The following PDE8A variants were observed in gnomAD, a reference collection of about 807,000 sequenced individuals.
The protein encoded by PDE8A is high affinity cAMP-specific and IBMX-insensitive 3',5'-cyclic phosphodiesterase 8A.
In PDE8A, 59 loss-of-function variants were observed where a neutral mutation model predicts 105.0. That is an observed-to-expected ratio of 0.56 (90% CI 0.46 to 0.70). The LOEUF is 0.70. Among genes scored for constraint, PDE8A ranks in the 30% least tolerant of loss-of-function variants. The pLI is 0.00. For missense variants in PDE8A, 1,014 were observed against 1,045.9 expected (o/e 0.97, Z 0.42); for synonymous variants, 355 against 371.9 (o/e 0.95, Z 0.52).
intron 1 of PDE8A, among the ~76,000 whole-genome samples, chr15:85,014,698 T>G (rs2080295156): frequency 6.6e-6 from 1 of 152,226 alleles, no homozygotes; most frequent in Non-Finnish European, 1.5e-5. Flanking sequence ...ACTCTTGATT[T>G]GCTTTTCTCG....
chr15:85,041,038 T>G (rs2141395425), intron 1 of PDE8A, among the ~76,000 whole-genome samples: 1 of 152,268 alleles, frequency 6.6e-6, no homozygotes, highest in Non-Finnish European at 1.5e-5. Context: ...TTTTCATATG[T>G]CCCCTTACAG....
intron 1 of PDE8A, among the ~76,000 whole-genome samples, chr15:85,015,577 A>G (rs1312055819): frequency 2.6e-5 from 4 of 152,194 alleles, no homozygotes; most frequent in African/African-American, 9.7e-5. Flanking sequence ...GCAGTGTATC[A>G]GAAAGTATTA....
At position 84,982,070 on chromosome 15, in the gene PDE8A, C is replaced by A. The variant is rs1430982652; in HGVS notation, c.-93C>A. On this transcript the variant is annotated 5_prime_UTR_variant, in exon 1 of 22. Coordinates refer to ENST00000394553, the MANE Select transcript of PDE8A (RefSeq NM_002605.3). ...CCGCCGCCCGCCCAGGCGGCGATGA[C>A]ACGGCGCCCGCGGCGGCCCGGAGGC... 1 of 777,436 alleles carries A rather than the reference C, an allele frequency of 1.3e-6. No individual in the cohort carries two copies. The highest frequency in any genetic ancestry group is 1.7e-6 in the Non-Finnish European group (1 of 587,484). 48.2% of individuals were successfully genotyped at this position (777,436 alleles called of 1,614,324 possible).
At chr15:85,099,831 C>T (rs567002771) in intron 9 of PDE8A, 184 bp from the exon 10 acceptor site, 52 of 590,376 alleles carry the variant, frequency 8.8e-5, no homozygotes, top group African/African-American at 1.8e-4. Flanking sequence ...TGTACAGAGA[C>T]GCCAAAGGAT....
chr15:85,044,179 A>T (rs564249072), intron 1 of PDE8A, among the ~76,000 whole-genome samples: 1 of 152,202 alleles, frequency 6.6e-6, no homozygotes, highest in African/African-American at 2.4e-5. Context: ...TACTTGAAAT[A>T]GCTTATTTAA....
Position 85,091,078 on chromosome 15 carries a change from A to G in PDE8A, c.749A>G (p.Tyr250Cys), listed in dbSNP as rs1002620051. Reference sequence around the variant, plus strand: ...CCTGCATTTGAAACAACAATGGGCTATCAGTCAGGTGAATTAATAGGGAAG... The same window carrying G: ...CCTGCATTTGAAACAACAATGGGCTGTCAGTCAGGTGAATTAATAGGGAAG... Reference protein sequence around the residue: ...ANPAFETTMGYQSGELIGKEL... With the variant: ...ANPAFETTMGCQSGELIGKEL... The change falls in exon 8 of 22, where the codon TAT becomes TGT. Residue 250 changes from tyrosine to cysteine, a missense_variant. By Grantham distance (194) the Tyr-to-Cys change is radical. Coordinates refer to ENST00000394553, the MANE Select transcript of PDE8A (RefSeq NM_002605.3). 2 of 1,612,576 alleles carry G rather than the reference A, an allele frequency of 1.2e-6. No individual in the cohort carries two copies. The highest frequency in any genetic ancestry group is 1.1e-5 in the South Asian group (1 of 91,008).
intron 1 of PDE8A, among the ~76,000 whole-genome samples, chr15:85,039,458 G>A (rs2080764879): frequency 6.6e-6 from 1 of 151,896 alleles, no homozygotes; most frequent in Non-Finnish European, 1.5e-5. Flanking sequence ...AATAAACGTT[G>A]GTGAGGATGT....
At chr15:85,112,725 T>A (rs1469188778) in intron 12 of PDE8A, among the ~76,000 whole-genome samples, 1 of 152,202 alleles carries the variant, frequency 6.6e-6, no homozygotes, top group East Asian at 1.9e-4. Context: ...TTCGTGGAGA[T>A]ACCCAGGACT....
intron 1 of PDE8A, among the ~76,000 whole-genome samples, chr15:85,051,563 A>G (rs1250504990): frequency 6.6e-6 from 1 of 152,134 alleles, no homozygotes; most frequent in Non-Finnish European, 1.5e-5. Flanking sequence ...GCACAGATCA[A>G]CCCATCACCC....
intron 1 of PDE8A, among the ~76,000 whole-genome samples, chr15:84,996,860 C>CCA (rs2079987347): frequency 1.5e-5 from 2 of 132,710 alleles, no homozygotes; most frequent in South Asian, 4.9e-4. Flanking sequence ...AGGTGGTACA[C>CCA]TTATATAAGG....
intron 1 of PDE8A, among the ~76,000 whole-genome samples, chr15:85,009,106 AGAGAGTGTGT>A (rs1230759485): frequency 2.8e-3 from 74 of 25,996 alleles, no homozygotes; most frequent in African/African-American, 0.01. Flanking sequence ...AGAGAGAGAG[AGAGAGTGTGT>A]GTGTGTGTGT....
At chr15:85,088,463 T>C (rs2081589604) in intron 6 of PDE8A, among the ~76,000 whole-genome samples, 1 of 152,262 alleles carries the variant, frequency 6.6e-6, no homozygotes, top group African/African-American at 2.4e-5. Flanking sequence ...TATGTCTGCA[T>C]AATATTCCAT....
chr15:85,136,214 A>C (rs1214156281), intron 20 of PDE8A, among the ~76,000 whole-genome samples: 1 of 152,222 alleles, frequency 6.6e-6, no homozygotes, highest in African/African-American at 2.4e-5. Flanking sequence ...TCTTTAGGTC[A>C]ATACGAACAA....
intron 1 of PDE8A, among the ~76,000 whole-genome samples, chr15:84,996,961 T>C (rs1383219084): frequency 2.0e-5 from 3 of 152,034 alleles, no homozygotes; most frequent in East Asian, 3.8e-4. Context: ...ACGATATTAC[T>C]GTGTACTACT....
chr15:85,131,487 G>C (rs2082329458), intron 20 of PDE8A, among the ~76,000 whole-genome samples: 1 of 152,138 alleles, frequency 6.6e-6, no homozygotes. Context: ...ACAACAGTTG[G>C]TTTTGATGTC....
chr15:84,987,465 C>CT lies in PDE8A; in HGVS notation c.186+5139dup, dbSNP rs10656480. ...ATAGCTTACCCATTTGGATTGGTTC[C>CT]TTTTTTTTTTTTTTTTTTTTTTAAA... is the stretch of plus-strand genomic sequence containing the variant. On this transcript the variant is annotated intron_variant, in intron 1 of 21. Transcript: ENST00000394553. 2.0e-3 allele frequency among the ~76,000 whole-genome samples: 185 copies of CT among 92,434 alleles called. 1 individual carries two copies. Among genetic ancestry groups the CT allele is most frequent in the East Asian group, 5.1e-3 (17 of 3,324 alleles). 60.6% of individuals were successfully genotyped at this position (92,434 alleles called of 152,430 possible).
In PDE8A at chr15:85,120,996, T is replaced by C. The variant is rs765233588; in HGVS notation, c.1934T>C (p.Ile645Thr). Residue 645 changes from isoleucine to threonine, a missense_variant, in exon 18 of 22, where the codon ATA becomes ACA. Physicochemically the swap from Ile to Thr is moderately conservative, Grantham distance 89. Coordinates refer to ENST00000394553, the MANE Select transcript of PDE8A (RefSeq NM_002605.3). The part of the protein sequence containing the change: ...QLTTGDDKCN[I>T]FKNMERNDYR... ...ACCACTGGAGATGATAAATGCAATA[T>C]ATTTAAAAACATGGAGAGGTAAGAA... 2 of 1,609,674 alleles carry C rather than the reference T, an allele frequency of 1.2e-6. No homozygotes were observed. Among genetic ancestry groups the C allele is most frequent in the Non-Finnish European group, 8.5e-7 (1 of 1,177,018 alleles).
chr15:84,999,926 G>T (rs1213389474), intron 1 of PDE8A, among the ~76,000 whole-genome samples: 1 of 152,140 alleles, frequency 6.6e-6, no homozygotes, highest in Non-Finnish European at 1.5e-5. Context: ...GCCTCTAATT[G>T]TGTGTGTTTC....
intron 20 of PDE8A, among the ~76,000 whole-genome samples, chr15:85,135,177 G>T (rs2082388900): frequency 6.6e-6 from 1 of 152,178 alleles, no homozygotes; most frequent in Non-Finnish European, 1.5e-5. Flanking sequence ...GCCTGGCTGT[G>T]ATGGGGTGAG....
Sources: allele counts gnomAD v4.1 joint callset (sites outside exome capture counted in the v4.1 genomes callset), GRCh38; gene constraint gnomAD v4.1.1; transcripts MANE v1.5; gene names NCBI Gene and HGNC (gene_info 2026-07-23, HGNC 2026-07-21).